CFAP45: variants seen among roughly 807,000 people sequenced by gnomAD.
CFAP45 encodes cilia and flagella associated protein 45.
CFAP45 carries 43 observed loss-of-function variants against 75.6 expected under a neutral mutation model. The ratio of observed to expected loss-of-function variants is 0.57; its 90% CI spans 0.45 to 0.73. The LOEUF is 0.73. Among genes scored for constraint, CFAP45 ranks in the 30% least tolerant of loss-of-function variants. The pLI is 0.00. For missense variants in CFAP45, 689 were observed against 701.5 expected (o/e 0.98, Z 0.20); for synonymous variants, 223 against 244.6 (o/e 0.91, Z 0.82).
chr1:159,890,500 C>T lies in CFAP45; in HGVS notation c.252G>A (p.Arg84=), dbSNP rs1394462946. The change falls in exon 3 of 12, where the codon CGG becomes CGA. Residue 84 remains arginine (R), a synonymous_variant. Coordinates refer to ENST00000368099, the MANE Select transcript of CFAP45 (RefSeq NM_012337.3). ...RKPETIQLIT[R]DMVRELIVPT... ...CTCACATGAGTTCTCGGACCATGTCCCGGGTGATGAGCTGGATGGTCTCTG... is the reference window on the plus strand; with the variant it reads ...CTCACATGAGTTCTCGGACCATGTCTCGGGTGATGAGCTGGATGGTCTCTG... 1.2e-6 allele frequency: 2 copies of T among 1,614,080 alleles called. No individual in the cohort carries two copies. The highest frequency in any genetic ancestry group is 2.7e-5 in the African/African-American group (2 of 75,016).
chr1:159,877,844 T>A (rs1364517881), intron 8 of CFAP45, among the ~76,000 whole-genome samples: 4 of 151,162 alleles, frequency 2.6e-5, no homozygotes, highest in African/African-American at 9.8e-5. Flanking sequence ...ATTACTGCAT[T>A]CCCCTGGGCA....
intron 1 of CFAP45, among the ~76,000 whole-genome samples, chr1:159,894,907 G>A (rs1038935616): frequency 6.6e-5 from 10 of 152,120 alleles, no homozygotes; most frequent in African/African-American, 1.2e-4. Context: ...TACCAGCAGC[G>A]GCACCCTATG....
chr1:159,883,071 A>G (rs1649586324), intron 7 of CFAP45, among the ~76,000 whole-genome samples: 1 of 152,194 alleles, frequency 6.6e-6, no homozygotes, highest in African/African-American at 2.4e-5. Flanking sequence ...AGCACTCTTC[A>G]CGTCCCCCTG....
chr1:159,899,940 C>A (rs756632395), intron 1 of CFAP45, 156 bp downstream of exon 1: 4 of 695,520 alleles, frequency 5.8e-6, no homozygotes, highest in Non-Finnish European at 9.7e-6. Flanking sequence ...GAACCCACCT[C>A]AGGATCTCCC....
chr1:159,899,121 A>T (rs981564687), intron 1 of CFAP45, among the ~76,000 whole-genome samples: 1 of 152,010 alleles, frequency 6.6e-6, no homozygotes, highest in Non-Finnish European at 1.5e-5. Flanking sequence ...AACACACTCA[A>T]GCCCAGGCAT....
At chr1:159,876,903 A>T in intron 9 of CFAP45, 154 bp from the exon 10 acceptor site, 4 of 754,514 alleles carry the variant, frequency 5.3e-6, no homozygotes, top group Non-Finnish European at 8.9e-6. Flanking sequence ...GAAAAGATAA[A>T]TGGAATCCTG....
chr1:159,896,089 G>A (rs887869685), intron 1 of CFAP45, among the ~76,000 whole-genome samples: 1 of 152,246 alleles, frequency 6.6e-6, no homozygotes, highest in African/African-American at 2.4e-5. Context: ...TAACGTATGT[G>A]AAAGGGCTTT....
intron 8 of CFAP45, among the ~76,000 whole-genome samples, chr1:159,878,529 C>A (rs927343148): frequency 2.0e-5 from 3 of 151,582 alleles, no homozygotes; most frequent in African/African-American, 7.3e-5. Flanking sequence ...CTGAGGCAGG[C>A]AGATCATGAC....
intron 6 of CFAP45, among the ~76,000 whole-genome samples, chr1:159,885,690 C>T (rs1571184703): frequency 6.6e-6 from 1 of 152,260 alleles, no homozygotes; most frequent in East Asian, 1.9e-4. Flanking sequence ...ACGAAAGGAC[C>T]TGTCCGCAAT....
chr1:159,873,940 G>C (rs1245202787), intron 10 of CFAP45, among the ~76,000 whole-genome samples: 1 of 144,682 alleles, frequency 6.9e-6, no homozygotes, highest in African/African-American at 2.5e-5. Flanking sequence ...TGCATAAAGT[G>C]TCATGCTAGC....
chr1:159,892,128 A>T (rs914924855), intron 2 of CFAP45, among the ~76,000 whole-genome samples: 2 of 152,100 alleles, frequency 1.3e-5, no homozygotes, highest in Admixed American at 1.3e-4. Context: ...CTTTACAAAA[A>T]ATACAAAAAT....
chr1:159,888,804 G>A (rs1649756603), intron 3 of CFAP45, among the ~76,000 whole-genome samples: 1 of 144,914 alleles, frequency 6.9e-6, no homozygotes, highest in South Asian at 2.2e-4. Flanking sequence ...CCCCACCAAG[G>A]ACCAATAGAT....
At chr1:159,887,773 C>A (rs1419224260) in intron 5 of CFAP45, 68 bp downstream of exon 5, 2 of 1,214,292 alleles carry the variant, frequency 1.6e-6, no homozygotes, top group Non-Finnish European at 2.3e-6. Flanking sequence ...TTGTCCAGTG[C>A]GGGAATAAGG....
At chr1:159,888,129 G>C in intron 4 of CFAP45, 118 bp from the exon 5 acceptor site, 1 of 1,218,636 alleles carries the variant, frequency 8.2e-7, no homozygotes, top group Non-Finnish European at 1.1e-6. Context: ...GATGATGTCA[G>C]AGCCAAGAAG....
chr1:159,874,360 C>T (rs1156872658), intron 10 of CFAP45, among the ~76,000 whole-genome samples: 1 of 152,136 alleles, frequency 6.6e-6, no homozygotes, highest in Non-Finnish European at 1.5e-5. Flanking sequence ...CGGCATCCTC[C>T]CCACTCCCAG....
intron 10 of CFAP45, among the ~76,000 whole-genome samples, chr1:159,874,275 C>T (rs1207340589): frequency 2.0e-5 from 3 of 152,166 alleles, no homozygotes; most frequent in Admixed American, 6.5e-5. Context: ...CACCGATACC[C>T]CAACAAAAGG....
At chr1:159,891,079 C>T (rs879315500) in intron 2 of CFAP45, among the ~76,000 whole-genome samples, 32 of 152,134 alleles carry the variant, frequency 2.1e-4, no homozygotes, top group Non-Finnish European at 3.8e-4. Flanking sequence ...TTTCTGAAAA[C>T]AAGTCTCTTG....
intron 2 of CFAP45, among the ~76,000 whole-genome samples, chr1:159,892,610 C>G (rs1277040808): frequency 1.3e-5 from 2 of 152,206 alleles, no homozygotes; most frequent in Non-Finnish European, 2.9e-5. Context: ...TTCTTACCTA[C>G]TAAACTCCAT....
At chr1:159,886,869 G>C (rs1035386614) in intron 5 of CFAP45, among the ~76,000 whole-genome samples, 180 bp from the exon 6 acceptor site, 3 of 152,152 alleles carry the variant, frequency 2.0e-5, no homozygotes, top group South Asian at 2.1e-4. Context: ...TTAGCTCAAA[G>C]ATTTACTGGC....
Sources: gnomAD v4.1 joint callset for allele counts (sites outside exome capture counted in the v4.1 genomes callset) on GRCh38, gnomAD v4.1.1 for gene constraint, MANE v1.5 for transcripts, NCBI Gene and HGNC (gene_info 2026-07-23, HGNC 2026-07-21) for gene names.